HPD: variants seen among roughly 807,000 people sequenced by gnomAD.
The protein encoded by HPD is 4-hydroxyphenylpyruvate dioxygenase, also known as 4-hydroxyphenylpyruvic acid oxidase.
HPD carries 35 observed loss-of-function variants against 56.9 expected under a neutral mutation model. The ratio of observed to expected loss-of-function variants is 0.62; its 90% CI spans 0.47 to 0.82. HPD has a LOEUF of 0.82. Ranked by LOEUF, HPD falls within the 40% of genes least tolerant of loss-of-function variation. The probability of loss-of-function intolerance (pLI) is 0.00; values close to 1 mark genes in which losing one functional copy is unlikely to be tolerated. For missense variants in HPD, 442 were observed against 506.8 expected (o/e 0.87, Z 1.23); for synonymous variants, 186 against 200.2 (o/e 0.93, Z 0.60).
At chr12:121,854,608 C>T (rs1318776337) in intron 7 of HPD, 95 bp downstream of exon 7, 1 of 875,812 alleles carries the variant, frequency 1.1e-6, no homozygotes, top group Non-Finnish European at 2.0e-6. Flanking sequence ...CTCCAAGGCC[C>T]ATGGGTGGGA....
At chr12:121,863,955 C>T (rs780016942), upstream of HPD, among the ~76,000 whole-genome samples, 10 of 151,556 alleles carry the variant, frequency 6.6e-5, no homozygotes, top group Non-Finnish European at 1.0e-4. Context: ...TGGCTGGGCA[C>T]GGTGGCTCAT....
At chr12:121,854,654 C>G in intron 7 of HPD, 49 bp downstream of exon 7, 1 of 1,315,576 alleles carries the variant, frequency 7.6e-7, no homozygotes. Context: ...CTCCTGGCAT[C>G]TCAGTGGTGC....
intron 5 of HPD, 35 bp downstream of exon 5, chr12:121,856,548 C>G (rs369763901): frequency 1.7e-5 from 28 of 1,612,640 alleles, no homozygotes; most frequent in Non-Finnish European, 2.1e-5. Context: ...ATCCCACCCA[C>G]AGAGCCATGC....
At chr12:121,860,188 A>T (rs1878138250), upstream of HPD, among the ~76,000 whole-genome samples, 1 of 152,082 alleles carries the variant, frequency 6.6e-6, no homozygotes, top group Non-Finnish European at 1.5e-5. Context: ...AACTGGGAAA[A>T]CTTGAGTGGA....
chr12:121,854,773 G>A lies in HPD; in HGVS notation c.344C>T (p.Ala115Val). 2 of 1,614,068 alleles carry A rather than the reference G, an allele frequency of 1.2e-6. No homozygotes were observed. Among genetic ancestry groups the A allele is most frequent in the Non-Finnish European group, 1.7e-6 (2 of 1,179,956 alleles). ...YIVQKARERG[A>V]KIMREPWVEQ... is the part of the protein sequence containing the mutation. ...TACCCAGGGCTCCCGCATGATTTTG[G>A]CGCCCCGTTCCCGTGCTTTCTGCAG... Residue 115 changes from alanine (A) to valine (V), a missense_variant, in exon 7 of 14, where the codon GCC (alanine) becomes GTC (valine). Transcript: ENST00000289004.
chr12:121,850,667 A>G (rs1449055735), intron 7 of HPD, among the ~76,000 whole-genome samples: 1 of 142,244 alleles, frequency 7.0e-6, no homozygotes. Flanking sequence ...TGCCGGGATT[A>G]CAGGCATGAG....
At chr12:121,864,103 G>T (rs1484655821), upstream of HPD, among the ~76,000 whole-genome samples, 1 of 149,812 alleles carries the variant, frequency 6.7e-6, no homozygotes, top group Non-Finnish European at 1.5e-5. Context: ...AAAATTAGCT[G>T]GGCATGGTGG....
In HPD at chr12:121,847,334, A is replaced by G. The variant is rs1877622102; in HGVS notation, c.597-120T>C. 1.1e-5 allele frequency: 9 copies of G among 818,316 alleles called. No homozygotes were observed. In the Admixed American group the frequency reaches 1.2e-4, roughly 11 times the overall value. 50.7% of individuals were successfully genotyped at this position (818,316 alleles called of 1,614,324 possible). ...GCTCCAGAAAGGAGATGCCACTGCCATCATACCCATCAGAGATTTAGATCT... is the reference window on the plus strand; with the variant it reads ...GCTCCAGAAAGGAGATGCCACTGCCGTCATACCCATCAGAGATTTAGATCT... On this transcript the variant is annotated intron_variant, in intron 9 of 13. Coordinates refer to ENST00000289004, the MANE Select transcript of HPD (RefSeq NM_002150.3).
At chr12:121,850,756 T>C (rs934599417) in intron 7 of HPD, among the ~76,000 whole-genome samples, 3 of 144,552 alleles carry the variant, frequency 2.1e-5, no homozygotes, top group Non-Finnish European at 4.5e-5. Context: ...TAGAGTGTAG[T>C]GGTGTGATCT....
chr12:121,839,551 G>C lies in HPD; in HGVS notation c.*177C>G, dbSNP rs1198664956. 1.6e-6 allele frequency: 1 copy of C among 634,518 alleles called. No homozygotes were observed. The highest frequency in any genetic ancestry group is 2.8e-6 in the Non-Finnish European group (1 of 355,082). 39.3% of individuals were successfully genotyped at this position (634,518 alleles called of 1,614,324 possible). On this transcript the variant is annotated 3_prime_UTR_variant, in exon 14 of 14. Transcript: ENST00000289004. ...ATTGGACCGGGGCACGCTTTAATCG[G>C]GAGGGCTGGAGCAGAGGGCGGCCCC...
the HPD span, among the ~76,000 whole-genome samples, chr12:121,868,781 G>A: frequency 7.2e-5 from 11 of 151,926 alleles, no homozygotes; most frequent in East Asian, 7.8e-4. Context: ...TCAGCCTCCC[G>A]AAGTGCTGGG....
At chr12:121,845,520 G>A (rs1386269852) in intron 11 of HPD, among the ~76,000 whole-genome samples, 3 of 147,082 alleles carry the variant, frequency 2.0e-5, no homozygotes, top group Non-Finnish European at 3.0e-5. Flanking sequence ...AGAATGGCGT[G>A]AACCCAGGAG....
At chr12:121,852,263 TCTTGC>T (rs1411327557) in intron 7 of HPD, among the ~76,000 whole-genome samples, 21 of 152,080 alleles carry the variant, frequency 1.4e-4, no homozygotes, top group African/African-American at 5.1e-4. Flanking sequence ...CAAGCAGTCC[TCTTGC>T]CTTGGCCTCC....
chr12:121,846,751 C>A lies in HPD; in HGVS notation c.831+111G>T, dbSNP rs998641456. On this transcript the variant is annotated intron_variant, in intron 11 of 13. Transcript: ENST00000289004. ...GCAGTGAGGGAGTCCTGTCAGTCTC[C>A]CAGCCCAGAGAAACGGGCCCAGGAC... 6 of 987,848 alleles carry A rather than the reference C, an allele frequency of 6.1e-6. No individual in the cohort carries two copies. In the African/African-American group the frequency reaches 9.6e-5, roughly 16 times the overall value. The allele number at this position is 987,848 out of a possible 1,614,324, so 61.2% of individuals were successfully genotyped here.
chr12:121,852,840 T>C (rs757073680), intron 7 of HPD, among the ~76,000 whole-genome samples: 39 of 151,594 alleles, frequency 2.6e-4, no homozygotes, highest in Non-Finnish European at 5.4e-4. Flanking sequence ...GGTTTCACCA[T>C]GTTGGCCAGG....
At chr12:121,876,892 G>A in the HPD span, among the ~76,000 whole-genome samples, 10 of 151,998 alleles carry the variant, frequency 6.6e-5, no homozygotes, top group East Asian at 1.4e-3. Flanking sequence ...TCAGGAGTTC[G>A]AGACCAGCCT....
chr12:121,856,544 C>A (rs1342975821), intron 5 of HPD, 39 bp downstream of exon 5: 1 of 1,611,208 alleles, frequency 6.2e-7, no homozygotes, highest in African/African-American at 1.3e-5. Context: ...CCAGATCCCA[C>A]CCACAGAGCC....
rs565805289 is a variant in HPD at position 121,853,918 on chromosome 12, C to G, written c.414+785G>C. The stretch of plus-strand genomic sequence containing the variant: ...CGCGACTGCACTCCAGCCTGGGCGA[C>G]AGAGAGACTCCGTCTGAAAAAAGAA... On this transcript the variant is annotated intron_variant, in intron 7 of 13. Coordinates refer to ENST00000289004, the MANE Select transcript of HPD (RefSeq NM_002150.3). Among the ~76,000 whole-genome samples the G allele has an allele frequency of 3.3e-5, 5 of 150,740 alleles. No homozygotes were observed. The East Asian group carries it at 9.8e-4, about 29-fold the overall frequency.
At chr12:121,870,622 G>GT in the HPD span, among the ~76,000 whole-genome samples, 1 of 136,268 alleles carries the variant, frequency 7.3e-6, no homozygotes, top group Non-Finnish European at 1.6e-5. Context: ...TTGAGACAGA[G>GT]TTTCACTCTT....
Sources: allele counts gnomAD v4.1 joint callset (sites outside exome capture counted in the v4.1 genomes callset), GRCh38; gene constraint gnomAD v4.1.1; transcripts MANE v1.5; gene names NCBI Gene and HGNC (gene_info 2026-07-23, HGNC 2026-07-21).